The following GPR39 variants were observed in gnomAD, a reference collection of about 807,000 sequenced individuals.
GPR39 encodes the protein G protein-coupled receptor 39.
A neutral mutation model predicts 18.4 loss-of-function variants in GPR39; 23 were observed. The ratio of observed to expected loss-of-function variants is 1.25; its 90% CI spans 0.90 to 1.77. The LOEUF is 1.77. Ranked by LOEUF, GPR39 falls within the 40% of genes most tolerant of loss-of-function variation. The pLI, the probability that GPR39 is intolerant of heterozygous loss-of-function variation, is 0.00. For synonymous variants in GPR39, 280 were observed against 257.9 expected, an observed-to-expected ratio of 1.09 and a Z score of -0.82; for missense variants, 647 against 602.4, an observed-to-expected ratio of 1.07 and a Z score of -0.78.
At chr2:132,629,465 G>A (rs1681609372) in intron 1 of GPR39, among the ~76,000 whole-genome samples, 1 of 152,198 alleles carries the variant, frequency 6.6e-6, no homozygotes, top group African/African-American at 2.4e-5. Flanking sequence ...AAGTGTAAGT[G>A]TATTGTCTAA....
chr2:132,501,559 T>G (rs572848383), intron 1 of GPR39, among the ~76,000 whole-genome samples: 1 of 152,270 alleles, frequency 6.6e-6, no homozygotes, highest in African/African-American at 2.4e-5. Context: ...TCTGCAGTTG[T>G]TGGGTGGAAT....
chr2:132,594,419 A>C (rs757998105), intron 1 of GPR39, among the ~76,000 whole-genome samples: 2 of 151,896 alleles, frequency 1.3e-5, no homozygotes, highest in Non-Finnish European at 2.9e-5. Flanking sequence ...ATTTTTATGC[A>C]GGGATGTTAA....
At chr2:132,443,991 C>T (rs1479531829) in intron 1 of GPR39, among the ~76,000 whole-genome samples, 1 of 152,114 alleles carries the variant, frequency 6.6e-6, no homozygotes, top group Non-Finnish European at 1.5e-5. Flanking sequence ...GGGAGGATCG[C>T]TTGAGCCTGG....
chr2:132,442,630 A>G (rs1680460729), intron 1 of GPR39, among the ~76,000 whole-genome samples: 1 of 152,222 alleles, frequency 6.6e-6, no homozygotes, highest in African/African-American at 2.4e-5. Flanking sequence ...TTAAGCAGCA[A>G]AACTGCTTAG....
chr2:132,600,624 C>T (rs1573691165), intron 1 of GPR39, among the ~76,000 whole-genome samples: 4 of 151,990 alleles, frequency 2.6e-5, no homozygotes, highest in African/African-American at 9.7e-5. Context: ...TAGATAAATT[C>T]CTGGACACAT....
chr2:132,446,796 T>G (rs1450680858), intron 1 of GPR39, among the ~76,000 whole-genome samples: 2 of 151,844 alleles, frequency 1.3e-5, no homozygotes, highest in Non-Finnish European at 2.9e-5. Flanking sequence ...GGGGCTGCAA[T>G]GAGGGTAGGG....
At chr2:132,642,878 G>GA (rs57152989) in intron 1 of GPR39, among the ~76,000 whole-genome samples, 88,943 of 151,770 alleles carry the variant, frequency 0.59, 27,988 homozygotes, top group African/African-American at 0.82. Flanking sequence ...ACAGGAAAGA[G>GA]AAAAAAAATG....
At chr2:132,547,453 C>T (rs1304907434) in intron 1 of GPR39, among the ~76,000 whole-genome samples, 7 of 152,134 alleles carry the variant, frequency 4.6e-5, no homozygotes, top group African/African-American at 1.7e-4. Flanking sequence ...ACAGTCACAC[C>T]TTTTATTTTT....
At chr2:132,460,509 A>G (rs764919728) in intron 1 of GPR39, among the ~76,000 whole-genome samples, 54 of 152,220 alleles carry the variant, frequency 3.5e-4, no homozygotes, top group Non-Finnish European at 6.5e-4. Context: ...GAGATTTCCA[A>G]ACATGATAAA....
chr2:132,529,038 C>T (rs772488379), intron 1 of GPR39, among the ~76,000 whole-genome samples: 18 of 152,240 alleles, frequency 1.2e-4, no homozygotes, highest in South Asian at 4.2e-4. Context: ...GTGGGTGCAG[C>T]GCACTGTGCG....
At chr2:132,523,307 A>C (rs1016357536) in intron 1 of GPR39, among the ~76,000 whole-genome samples, 2 of 152,228 alleles carry the variant, frequency 1.3e-5, no homozygotes, top group African/African-American at 2.4e-5. Flanking sequence ...AACTCCCTAA[A>C]ATATAAGTGG....
At position 132,541,988 on chromosome 2, in the gene GPR39, G is replaced by T. The variant is rs535381661; in HGVS notation, c.857-103113G>T. ...CATCTTGCTATGTCCTCACATGGTG[G>T]TGGAGGGGGCAAGGTAGCTCACTGG... On this transcript the variant is annotated intron_variant, in intron 1 of 1. Transcript: ENST00000329321. 5.3e-5 allele frequency among the ~76,000 whole-genome samples: 8 copies of T among 152,296 alleles called. No individual in the cohort carries two copies. In the East Asian group the frequency reaches 1.5e-3, roughly 29 times the overall value.
At chr2:132,449,894 T>A (rs1558801747) in intron 1 of GPR39, among the ~76,000 whole-genome samples, 2 of 152,170 alleles carry the variant, frequency 1.3e-5, no homozygotes, top group Non-Finnish European at 2.9e-5. Flanking sequence ...AAATTTTACA[T>A]CTCCTACACC....
At chr2:132,436,853 A>T (rs1680331482) in intron 1 of GPR39, among the ~76,000 whole-genome samples, 1 of 152,210 alleles carries the variant, frequency 6.6e-6, no homozygotes, top group Admixed American at 6.5e-5. Flanking sequence ...CAGCGTGGTT[A>T]TGTGGATCAT....
At chr2:132,492,099 T>TAC (rs1346146415) in intron 1 of GPR39, among the ~76,000 whole-genome samples, 1 of 149,786 alleles carries the variant, frequency 6.7e-6, no homozygotes, top group African/African-American at 2.5e-5. Flanking sequence ...CATATATATA[T>TAC]ACATACCATA....
In GPR39 at chr2:132,646,267, G is replaced by A; in HGVS notation, c.*661G>A. 1 of 1,554,148 alleles carries A rather than the reference G, an allele frequency of 6.4e-7. No homozygotes were observed. Among genetic ancestry groups the A allele is most frequent in the Non-Finnish European group, 8.7e-7 (1 of 1,146,922 alleles). On this transcript the variant is annotated 3_prime_UTR_variant, in exon 2 of 2. Transcript: ENST00000329321. ...AGGCCGCTGATGATGCACAGGACTT[G>A]CGGTACATGATCCCTGTAACACAGA...
At chr2:132,472,637 A>T (rs1020367353) in intron 1 of GPR39, among the ~76,000 whole-genome samples, 2 of 152,190 alleles carry the variant, frequency 1.3e-5, no homozygotes, top group African/African-American at 4.8e-5. Flanking sequence ...TGTTGGTACT[A>T]CAGAGGTAAG....
chr2:132,483,653 A>G (rs562465619), intron 1 of GPR39, among the ~76,000 whole-genome samples: 3 of 152,328 alleles, frequency 2.0e-5, no homozygotes, highest in African/African-American at 7.2e-5. Flanking sequence ...GAGTTGTTTT[A>G]GTCCAGGACA....
chr2:132,492,070 C>T (rs941961328), intron 1 of GPR39, among the ~76,000 whole-genome samples: 1 of 149,610 alleles, frequency 6.7e-6, no homozygotes, highest in African/African-American at 2.5e-5. Context: ...ATGTATACAC[C>T]ACATATATAT....
Sources: allele counts gnomAD v4.1 joint callset (sites outside exome capture counted in the v4.1 genomes callset), GRCh38; gene constraint gnomAD v4.1.1; transcripts MANE v1.5; gene names NCBI Gene and HGNC (gene_info 2026-07-23, HGNC 2026-07-21).